MYO1D: variants seen among roughly 807,000 people sequenced by gnomAD.
MYO1D encodes the protein myosin ID.
MYO1D carries 83 observed loss-of-function variants against 122.0 expected under a neutral mutation model. That is an observed-to-expected ratio of 0.68 (90% CI 0.57 to 0.82). The LOEUF is 0.82. Among genes scored for constraint, MYO1D ranks in the 40% least tolerant of loss-of-function variants. The pLI is 0.00. For missense variants in MYO1D, 1,157 were observed against 1,269.5 expected (o/e 0.91, Z 1.35); for synonymous variants, 464 against 446.9 (o/e 1.04, Z -0.48).
intron 3 of MYO1D, among the ~76,000 whole-genome samples, chr17:32,777,887 T>C (rs2151027331): frequency 6.6e-6 from 1 of 152,140 alleles, no homozygotes; most frequent in African/African-American, 2.4e-5. Flanking sequence ...TGAGCTGAGA[T>C]CGCGCCACTG....
chr17:32,557,066 C>T (rs1224538896), intron 21 of MYO1D, among the ~76,000 whole-genome samples: 10 of 151,786 alleles, frequency 6.6e-5, no homozygotes, highest in Admixed American at 6.5e-4. Context: ...GGACACCCTG[C>T]AGTTATCATT....
chr17:32,876,312 C>T (rs532742846), intron 1 of MYO1D, among the ~76,000 whole-genome samples: 1 of 152,156 alleles, frequency 6.6e-6, no homozygotes, highest in Non-Finnish European at 1.5e-5. Context: ...AGAAAAGAAG[C>T]AAGTGTAAAG....
In MYO1D at chr17:32,775,845, G is replaced by T. The variant is rs753687002; in HGVS notation, c.564+19C>A. The T allele has an allele frequency of 5.7e-6, 9 of 1,578,318 alleles. No homozygotes were observed. The East Asian group carries it at 2.0e-4, about 36-fold the overall frequency. ...TTCAGCACTTAAAACATTACCCTCA[G>T]AAATTAAGCATATTTTACCTTTTCT... On this transcript the variant is annotated intron_variant, in intron 4 of 21. Transcript: ENST00000318217.
chr17:32,679,469 C>T (rs1418143992), intron 16 of MYO1D, among the ~76,000 whole-genome samples: 1 of 151,930 alleles, frequency 6.6e-6, no homozygotes, highest in African/African-American at 2.4e-5. Flanking sequence ...GTTTCAGCTT[C>T]CTACATATGG....
chr17:32,849,235 A>G (rs2090964251), intron 1 of MYO1D, among the ~76,000 whole-genome samples: 1 of 150,578 alleles, frequency 6.6e-6, no homozygotes, highest in Non-Finnish European at 1.5e-5. Flanking sequence ...AACTAGTTCA[A>G]CCATTATGGA....
In MYO1D at chr17:32,597,264, CAAAT is replaced by C. The variant is rs1240812240; in HGVS notation, c.2864+7819_2864+7822del. On this transcript the variant is annotated intron_variant, in intron 21 of 21. Transcript: ENST00000318217. ...TCGCAGAAGGTTTAACCATGAAAAA[CAAAT>C]AAATCTCCCTTCTACCTCTTTCTCC... Among the ~76,000 whole-genome samples, 17 of 152,230 alleles carry C rather than the reference CAAAT, an allele frequency of 1.1e-4. 1 individual carries two copies. In the South Asian group the frequency reaches 1.9e-3, roughly 17 times the overall value.
At chr17:32,575,752 T>C (rs1172522096) in intron 21 of MYO1D, among the ~76,000 whole-genome samples, 3 of 152,216 alleles carry the variant, frequency 2.0e-5, no homozygotes, top group African/African-American at 7.2e-5. Flanking sequence ...AGATGACTGC[T>C]AGATTGATGG....
At chr17:32,690,584 AG>A (rs534118780) in intron 16 of MYO1D, among the ~76,000 whole-genome samples, 89 of 152,282 alleles carry the variant, frequency 5.8e-4, no homozygotes, top group African/African-American at 1.9e-3. Flanking sequence ...GCCTGGTAGG[AG>A]GGACTGGATC....
chr17:32,702,537 C>A (rs2089260912), intron 16 of MYO1D, among the ~76,000 whole-genome samples: 1 of 151,850 alleles, frequency 6.6e-6, no homozygotes, highest in Admixed American at 6.6e-5. Flanking sequence ...TCACGTCTTT[C>A]CACAGACTTT....
intron 16 of MYO1D, among the ~76,000 whole-genome samples, chr17:32,681,288 T>C (rs1232242981): frequency 6.8e-6 from 1 of 147,588 alleles, no homozygotes; most frequent in Admixed American, 6.8e-5. Flanking sequence ...TCTTGCCTTC[T>C]GCTAGCTTTT....
At chr17:32,687,279 C>T (rs1438044018) in intron 16 of MYO1D, among the ~76,000 whole-genome samples, 1 of 151,346 alleles carries the variant, frequency 6.6e-6, no homozygotes, top group Non-Finnish European at 1.5e-5. Context: ...TCACTGCAAG[C>T]TCCGCCTCCT....
chr17:32,664,419 A>C (rs2088610236), intron 16 of MYO1D, among the ~76,000 whole-genome samples: 1 of 152,240 alleles, frequency 6.6e-6, no homozygotes, highest in Admixed American at 6.5e-5. Context: ...AAGCCTCAGA[A>C]AGCAGAAAAT....
At chr17:32,640,884 C>A (rs1283686452) in intron 19 of MYO1D, among the ~76,000 whole-genome samples, 2 of 150,802 alleles carry the variant, frequency 1.3e-5, no homozygotes, top group East Asian at 3.9e-4. Context: ...TATTCATATC[C>A]CATGAATATA....
At chr17:32,642,818 T>A (rs1436263577) in intron 19 of MYO1D, among the ~76,000 whole-genome samples, 1 of 152,170 alleles carries the variant, frequency 6.6e-6, no homozygotes, top group Non-Finnish European at 1.5e-5. Flanking sequence ...CTTAAGGAGA[T>A]TTTGGGCTGA....
intron 16 of MYO1D, among the ~76,000 whole-genome samples, chr17:32,667,704 C>T (rs373418354): frequency 5.9e-5 from 9 of 152,324 alleles, no homozygotes; most frequent in African/African-American, 2.2e-4. Context: ...CACCCCTGAG[C>T]TGTCTTACCT....
intron 1 of MYO1D, among the ~76,000 whole-genome samples, chr17:32,861,386 G>A (rs952417627): frequency 1.3e-5 from 2 of 152,028 alleles, no homozygotes; most frequent in Admixed American, 6.6e-5. Context: ...CTTAGCAGAG[G>A]AAATGTGTAG....
rs778337087 is a variant in MYO1D at position 32,494,751 on chromosome 17, G to A, written c.*8C>T. 1.3e-6 allele frequency: 2 copies of A among 1,589,666 alleles called. No individual in the cohort carries two copies. Among genetic ancestry groups the A allele is most frequent in the South Asian group, 1.1e-5 (1 of 87,734 alleles). On this transcript the variant is annotated 3_prime_UTR_variant, in exon 22 of 22. Transcript: ENST00000318217. ...TGGCCGGGCTCCGGGCCAGGCCTCC[G>A]CGGGGCGTCAGTTCCCGGGCACGCT...
intron 13 of MYO1D, among the ~76,000 whole-genome samples, chr17:32,740,394 A>C (rs1004919559): frequency 6.6e-6 from 1 of 152,222 alleles, no homozygotes. Flanking sequence ...TAATACGTTA[A>C]ATAGCAGAAT....
intron 20 of MYO1D, among the ~76,000 whole-genome samples, chr17:32,627,551 A>AT (rs1178809443): frequency 6.6e-6 from 1 of 152,086 alleles, no homozygotes; most frequent in African/African-American, 2.4e-5. Flanking sequence ...ATTACAGTCC[A>AT]TTTACCTTTA....
Sources: allele counts gnomAD v4.1 joint callset (sites outside exome capture counted in the v4.1 genomes callset), GRCh38; gene constraint gnomAD v4.1.1; transcripts MANE v1.5; gene names NCBI Gene and HGNC (gene_info 2026-07-23, HGNC 2026-07-21).